Variants in FMNL2 observed in about 807,000 individuals in gnomAD.
FMNL2 encodes the protein formin-like protein 2.
A neutral mutation model predicts 130.2 loss-of-function variants in FMNL2; 51 were observed. The ratio of observed to expected loss-of-function variants is 0.39; its 90% CI spans 0.31 to 0.49. The LOEUF (loss-of-function observed/expected upper bound fraction) is 0.49, where lower values mean the gene tolerates loss of function less well. Among genes scored for constraint, FMNL2 ranks in the 20% least tolerant of loss-of-function variants. FMNL2 has a pLI of 0.85. For missense variants in FMNL2, 977 were observed against 1,316.2 expected (o/e 0.74, Z 3.99); for synonymous variants, 465 against 467.1 (o/e 1.00, Z 0.06).
chr2:152,556,854 C>T (rs1695234127), intron 4 of FMNL2, among the ~76,000 whole-genome samples: 1 of 152,220 alleles, frequency 6.6e-6, no homozygotes, highest in South Asian at 2.1e-4. Context: ...ATATGTACAA[C>T]TGAGACTGCC....
At chr2:152,613,743 T>C (rs931145519) in intron 11 of FMNL2, among the ~76,000 whole-genome samples, 3 of 152,222 alleles carry the variant, frequency 2.0e-5, no homozygotes, top group Non-Finnish European at 4.4e-5. Flanking sequence ...AACCCAGCCT[T>C]GTAAGTAGCC....
At chr2:152,520,181 A>G (rs951068594) in intron 1 of FMNL2, among the ~76,000 whole-genome samples, 4 of 152,156 alleles carry the variant, frequency 2.6e-5, no homozygotes, top group Non-Finnish European at 5.9e-5. Context: ...ATATGAAAAC[A>G]TTTTCCCATA....
intron 3 of FMNL2, among the ~76,000 whole-genome samples, chr2:152,546,491 GC>G (rs1694644756): frequency 6.6e-6 from 1 of 152,050 alleles, no homozygotes; most frequent in Non-Finnish European, 1.5e-5. Flanking sequence ...GGCGCTATCT[GC>G]CCCCATGACC....
chr2:152,365,371 C>T (rs1683458111), intron 1 of FMNL2, among the ~76,000 whole-genome samples: 1 of 151,804 alleles, frequency 6.6e-6, no homozygotes, highest in Non-Finnish European at 1.5e-5. Flanking sequence ...AGAACATAGT[C>T]TCTGTGGATA....
intron 1 of FMNL2, among the ~76,000 whole-genome samples, chr2:152,507,733 T>A (rs766315570): frequency 5.9e-5 from 9 of 152,204 alleles, no homozygotes; most frequent in Non-Finnish European, 1.0e-4. Flanking sequence ...ATGTGTCTAC[T>A]ACTGTTTTGA....
Position 152,585,384 on chromosome 2 carries a change from C to T in FMNL2, c.876+4335C>T, listed in dbSNP as rs143865251. On this transcript the variant is annotated intron_variant, in intron 9 of 25. Coordinates refer to ENST00000288670, the MANE Select transcript of FMNL2 (RefSeq NM_052905.4). Reference sequence around the variant, plus strand: ...TGTGGCAGTGTATATTTTTGAGCCCCGAGACTACCAAACAGAAAAAAATAC... The same window carrying T: ...TGTGGCAGTGTATATTTTTGAGCCCTGAGACTACCAAACAGAAAAAAATAC... 1.4e-3 allele frequency among the ~76,000 whole-genome samples: 215 copies of T among 152,022 alleles called. 6 individuals are homozygous for T. The East Asian group carries it at 0.028, about 20-fold the overall frequency.
At chr2:152,373,548 C>T (rs534088731) in intron 1 of FMNL2, among the ~76,000 whole-genome samples, 43 of 152,206 alleles carry the variant, frequency 2.8e-4, no homozygotes, top group African/African-American at 1.0e-3. Context: ...TATAAAGTGG[C>T]ATATTGTTTG....
At chr2:152,445,852 G>T (rs1688304260) in intron 1 of FMNL2, among the ~76,000 whole-genome samples, 1 of 152,108 alleles carries the variant, frequency 6.6e-6, no homozygotes, top group African/African-American at 2.4e-5. Context: ...CAGGGTTCCG[G>T]GTCAGCTGGT....
At chr2:152,569,560 G>A (rs1462646329) in intron 6 of FMNL2, among the ~76,000 whole-genome samples, 1 of 151,704 alleles carries the variant, frequency 6.6e-6, no homozygotes, top group Non-Finnish European at 1.5e-5. Flanking sequence ...TGCCACCCGT[G>A]GTCTTAGCTC....
chr2:152,438,968 G>A (rs950429450), intron 1 of FMNL2, among the ~76,000 whole-genome samples: 1 of 151,932 alleles, frequency 6.6e-6, no homozygotes, highest in Non-Finnish European at 1.5e-5. Flanking sequence ...GGTTTATTTG[G>A]GATTGGAAAC....
intron 1 of FMNL2, among the ~76,000 whole-genome samples, chr2:152,509,181 C>T (rs1161492266): frequency 1.3e-5 from 2 of 152,136 alleles, no homozygotes; most frequent in African/African-American, 4.8e-5. Flanking sequence ...TCACATGAAC[C>T]TTTTTATCTC....
chr2:152,406,985 A>G (rs1284025555), intron 1 of FMNL2, among the ~76,000 whole-genome samples: 4 of 152,172 alleles, frequency 2.6e-5, no homozygotes, highest in African/African-American at 9.7e-5. Flanking sequence ...TCTTGAGAGG[A>G]AAGATTAACT....
chr2:152,442,589 A>G (rs1310348974), intron 1 of FMNL2, among the ~76,000 whole-genome samples: 3 of 152,082 alleles, frequency 2.0e-5, no homozygotes, highest in South Asian at 2.1e-4. Context: ...TTTACTGATA[A>G]TACCTTTCTC....
At chr2:152,416,290 A>G (rs549271570) in intron 1 of FMNL2, among the ~76,000 whole-genome samples, 5 of 152,320 alleles carry the variant, frequency 3.3e-5, no homozygotes, top group African/African-American at 1.2e-4. Flanking sequence ...CTCCAGAGAC[A>G]GGGCAGGGAG....
chr2:152,641,925 C>T (rs1683114887), intron 25 of FMNL2, among the ~76,000 whole-genome samples: 1 of 149,556 alleles, frequency 6.7e-6, no homozygotes, highest in Non-Finnish European at 1.5e-5. Flanking sequence ...AAATAGAATT[C>T]CTAGACTCTT....
rs187024287 is a variant in FMNL2 at position 152,368,762 on chromosome 2, G to A, written c.117+33042G>A. Reference sequence around the variant, plus strand: ...AAGTCACTCAGGTGGGAAATGAGAGGTTTATTTTTGGTGACTGCTTTACAA... The same window carrying A: ...AAGTCACTCAGGTGGGAAATGAGAGATTTATTTTTGGTGACTGCTTTACAA... On this transcript the variant is annotated intron_variant, in intron 1 of 25. Transcript: ENST00000288670. Among the ~76,000 whole-genome samples, 3 of 152,268 alleles carry A rather than the reference G, an allele frequency of 2.0e-5. No homozygotes were observed. In the East Asian group the frequency reaches 5.8e-4, roughly 29 times the overall value.
chr2:152,536,597 A>C (rs1269362260), intron 2 of FMNL2, among the ~76,000 whole-genome samples: 1 of 152,216 alleles, frequency 6.6e-6, no homozygotes. Flanking sequence ...TAATACTCAC[A>C]TAATGATGGT....
intron 6 of FMNL2, among the ~76,000 whole-genome samples, chr2:152,563,190 A>T (rs1048536491): frequency 6.6e-6 from 1 of 152,224 alleles, no homozygotes; most frequent in Non-Finnish European, 1.5e-5. Context: ...AAGCATGCAG[A>T]TAGGGAAATT....
At chr2:152,360,111 C>T (rs73005030) in intron 1 of FMNL2, among the ~76,000 whole-genome samples, 8,883 of 152,200 alleles carry the variant, frequency 0.058, 811 homozygotes, top group African/African-American at 0.19. Flanking sequence ...ATTATCCTGT[C>T]AGAAAAGAGA....
Sources: gnomAD v4.1 joint callset for allele counts (sites outside exome capture counted in the v4.1 genomes callset) on GRCh38, gnomAD v4.1.1 for gene constraint, MANE v1.5 for transcripts, NCBI Gene and HGNC (gene_info 2026-07-23, HGNC 2026-07-21) for gene names.